Variants in ASIC2 observed in about 807,000 individuals in gnomAD.
The protein encoded by ASIC2 is acid sensing ion channel subunit 2.
A neutral mutation model predicts 57.3 loss-of-function variants in ASIC2; 25 were observed. The ratio of observed to expected loss-of-function variants is 0.44; its 90% CI spans 0.32 to 0.61. The LOEUF (loss-of-function observed/expected upper bound fraction) is 0.61, where lower values mean the gene tolerates loss of function less well. Among genes scored for constraint, ASIC2 ranks in the 20% least tolerant of loss-of-function variants. ASIC2 has a pLI of 0.06. For synonymous variants in ASIC2, 319 were observed against 307.5 expected, an observed-to-expected ratio of 1.04 and a Z score of -0.39; for missense variants, 641 against 738.1, an observed-to-expected ratio of 0.87 and a Z score of 1.52.
At chr17:34,088,816 C>G (rs1386351127) in intron 1 of ASIC2, among the ~76,000 whole-genome samples, 1 of 152,242 alleles carries the variant, frequency 6.6e-6, no homozygotes, top group Non-Finnish European at 1.5e-5. Flanking sequence ...CAGCGAGACT[C>G]CGTGGGCGTA....
At chr17:34,053,850 G>A (rs1045287647) in intron 1 of ASIC2, among the ~76,000 whole-genome samples, 2 of 152,202 alleles carry the variant, frequency 1.3e-5, no homozygotes, top group African/African-American at 4.8e-5. Context: ...GGGACTAATT[G>A]GCAGATATTG....
At chr17:33,716,427 G>C (rs1909220530) in intron 1 of ASIC2, among the ~76,000 whole-genome samples, 1 of 152,206 alleles carries the variant, frequency 6.6e-6, no homozygotes, top group South Asian at 2.1e-4. Flanking sequence ...GCAATGGAGA[G>C]GACATCTTGC....
chr17:33,604,144 G>A (rs1905171381), intron 1 of ASIC2, among the ~76,000 whole-genome samples: 1 of 152,088 alleles, frequency 6.6e-6, no homozygotes, highest in African/African-American at 2.4e-5. Context: ...ATGGACTAGA[G>A]GTGGACATTG....
At chr17:33,982,392 C>T (rs1905658461) in intron 1 of ASIC2, among the ~76,000 whole-genome samples, 1 of 152,176 alleles carries the variant, frequency 6.6e-6, no homozygotes, top group Non-Finnish European at 1.5e-5. Flanking sequence ...GGCCTGGGGT[C>T]ACCTTGTAAC....
chr17:33,791,308 T>C (rs12949797), intron 1 of ASIC2, among the ~76,000 whole-genome samples: 2,006 of 152,312 alleles, frequency 0.013, 39 homozygotes, highest in African/African-American at 0.045. Context: ...CTAGTTCATC[T>C]GCCATGGGAA....
chr17:34,020,845 T>C (rs978733882), intron 1 of ASIC2, among the ~76,000 whole-genome samples: 5 of 152,202 alleles, frequency 3.3e-5, no homozygotes, highest in African/African-American at 1.2e-4. Flanking sequence ...TCATCCAGAC[T>C]TCTGACCTAC....
intron 1 of ASIC2, among the ~76,000 whole-genome samples, chr17:34,151,393 G>A (rs533956829): frequency 6.6e-6 from 1 of 152,270 alleles, no homozygotes; most frequent in South Asian, 2.1e-4. Flanking sequence ...TGCACAATAG[G>A]TGCTCTATTT....
At chr17:33,731,271 A>T (rs1047292670) in intron 1 of ASIC2, among the ~76,000 whole-genome samples, 5 of 152,174 alleles carry the variant, frequency 3.3e-5, no homozygotes, top group Admixed American at 1.3e-4. Flanking sequence ...AGACATTTGA[A>T]GTTCCTGGGA....
chr17:33,957,968 G>A (rs556615306), intron 1 of ASIC2, among the ~76,000 whole-genome samples: 10 of 152,338 alleles, frequency 6.6e-5, no homozygotes, highest in East Asian at 1.9e-4. Context: ...CACTCATTCC[G>A]AAAGGGAGAA....
At chr17:33,947,353 C>G (rs1452137272) in intron 1 of ASIC2, among the ~76,000 whole-genome samples, 1 of 152,168 alleles carries the variant, frequency 6.6e-6, no homozygotes, top group Non-Finnish European at 1.5e-5. Context: ...AATTACTGCT[C>G]TTAGTGGGAC....
chr17:33,906,269 G>A (rs927628676), intron 1 of ASIC2, among the ~76,000 whole-genome samples: 8 of 152,178 alleles, frequency 5.3e-5, no homozygotes, highest in African/African-American at 1.9e-4. Flanking sequence ...AAGCAGGCTT[G>A]TATGCCAACC....
chr17:33,672,701 C>A (rs1011534607), intron 1 of ASIC2, among the ~76,000 whole-genome samples: 3 of 152,196 alleles, frequency 2.0e-5, no homozygotes, highest in African/African-American at 7.2e-5. Context: ...TTCCTAGGAA[C>A]TGCTACATCT....
At chr17:34,088,656 C>A (rs1021410867) in intron 1 of ASIC2, among the ~76,000 whole-genome samples, 2 of 152,244 alleles carry the variant, frequency 1.3e-5, no homozygotes, top group African/African-American at 4.8e-5. Flanking sequence ...CCTACAGAGG[C>A]AGGCAGGCCT....
intron 1 of ASIC2, among the ~76,000 whole-genome samples, chr17:33,853,940 A>T (rs776256996): frequency 1.1e-4 from 17 of 152,178 alleles, no homozygotes; most frequent in Non-Finnish European, 2.2e-4. Flanking sequence ...CTTCCCTTGC[A>T]GGTCTCTACT....
At chr17:33,427,751 T>G (rs944159151) in intron 1 of ASIC2, among the ~76,000 whole-genome samples, 1 of 152,174 alleles carries the variant, frequency 6.6e-6, no homozygotes, top group Non-Finnish European at 1.5e-5. Context: ...GGAGCTAGCC[T>G]TGAAAATGGC....
intron 2 of ASIC2, chr17:33,111,711 G>T: frequency 3.4e-6 from 2 of 581,900 alleles, no homozygotes; most frequent in Non-Finnish European, 5.5e-6. Flanking sequence ...CCCATCCTCT[G>T]TCCCTCTCTC....
intron 1 of ASIC2, among the ~76,000 whole-genome samples, chr17:33,636,304 C>T (rs1346378765): frequency 1.3e-5 from 2 of 152,110 alleles, no homozygotes; most frequent in Non-Finnish European, 2.9e-5. Context: ...CTGAGTTTGA[C>T]CATTAAAATA....
Position 34,156,417 on chromosome 17 carries a change from G to T in ASIC2, c.116C>A (p.Thr39Asn), listed in dbSNP as rs936546619. ...CACTGCCCACAGCACACGCCGGATG[G>T]TCAGCGGCCCATACACGAAGATGTG... is the stretch of plus-strand genomic sequence containing the variant. Residue 39 changes from threonine to asparagine, a missense_variant, in exon 1 of 10, where the codon ACC becomes AAC. By Grantham distance (65) the Thr-to-Asn change is moderately conservative. Coordinates refer to the ASIC2 transcript ENST00000359872. The surrounding 1 kb of genome is among the most constrained non-coding windows in gnomAD (Gnocchi z 4.4). The T allele has an allele frequency of 2.5e-6, 4 of 1,614,198 alleles. No individual in the cohort carries two copies. The South Asian group carries it at 3.3e-5, about 13-fold the overall frequency.
At chr17:33,851,289 C>T (rs1166357377) in intron 1 of ASIC2, among the ~76,000 whole-genome samples, 1 of 152,054 alleles carries the variant, frequency 6.6e-6, no homozygotes, top group African/African-American at 2.4e-5. Context: ...GAACTCTCTC[C>T]TGTACCCTCC....
Sources: allele counts gnomAD v4.1 joint callset (sites outside exome capture counted in the v4.1 genomes callset), GRCh38; gene constraint gnomAD v4.1.1; non-coding constraint Gnocchi (gnomAD v3.1); transcripts MANE v1.5; gene names NCBI Gene and HGNC (gene_info 2026-07-23, HGNC 2026-07-21).